VWA3A: variants seen among roughly 807,000 people sequenced by gnomAD.
VWA3A encodes the protein von Willebrand factor A domain containing 3A.
In VWA3A, 134 loss-of-function variants were observed where a neutral mutation model predicts 160.4. The ratio of observed to expected loss-of-function variants is 0.84; its 90% CI spans 0.73 to 0.96. The LOEUF (loss-of-function observed/expected upper bound fraction) is 0.96, where lower values mean the gene tolerates loss of function less well. Among genes scored for constraint, VWA3A ranks in the 40% least tolerant of loss-of-function variants. The pLI, the probability that VWA3A is intolerant of heterozygous loss-of-function variation, is 0.00. For missense variants in VWA3A, 1,310 were observed against 1,447.9 expected, an observed-to-expected ratio of 0.90 and a Z score of 1.55; for synonymous variants, 476 against 543.4, an observed-to-expected ratio of 0.88 and a Z score of 1.72.
chr16:22,130,630 A>T (rs2045930929), intron 17 of VWA3A, among the ~76,000 whole-genome samples: 1 of 151,980 alleles, frequency 6.6e-6, no homozygotes, highest in Non-Finnish European at 1.5e-5. Flanking sequence ...TTGAGATGGG[A>T]TCTCACTCCA....
intron 1 of VWA3A, among the ~76,000 whole-genome samples, chr16:22,094,138 A>G (rs897967020): frequency 1.3e-5 from 2 of 152,030 alleles, no homozygotes; most frequent in African/African-American, 4.8e-5. Flanking sequence ...CTTCTCCATC[A>G]GCCTGCACCA....
intron 23 of VWA3A, 57 bp downstream of exon 23, chr16:22,140,301 A>G: frequency 1.3e-6 from 2 of 1,542,186 alleles, no homozygotes; most frequent in Non-Finnish European, 1.8e-6. Context: ...CGGCTGAGGC[A>G]TGGGTTAATA....
chr16:22,111,019 T>G (rs2045545693), intron 8 of VWA3A, 25 bp downstream of exon 8: 3 of 1,563,338 alleles, frequency 1.9e-6, no homozygotes, highest in Non-Finnish European at 2.6e-6. Flanking sequence ...TACCTGACGG[T>G]GATGTTCACT....
chr16:22,097,475 A>T, intron 2 of VWA3A, 97 bp from the exon 3 acceptor site: 1 of 1,455,390 alleles, frequency 6.9e-7, no homozygotes. Flanking sequence ...ATGTTTCTAG[A>T]ATCCTTGTAG....
Position 22,123,672 on chromosome 16 carries a change from C to T in VWA3A, c.1497C>T (p.Ala499=), listed in dbSNP as rs2045788276. 2 of 1,613,828 alleles carry T rather than the reference C, an allele frequency of 1.2e-6. No homozygotes were observed. The highest frequency in any genetic ancestry group is 2.7e-5 in the African/African-American group (2 of 74,920). Residue 499 remains alanine, a synonymous_variant, in exon 16 of 34, where the codon GCC becomes GCT. Transcript: ENST00000389398. The part of the protein sequence containing the change: ...YERRIEWLSL[A]SRRIWGTVCE... Reference sequence around the variant, plus strand: ...GGCGGATTGAGTGGCTCTCCCTGGCCAGCAGAAGAATCTGGGGCACAGTCT... The same window carrying T: ...GGCGGATTGAGTGGCTCTCCCTGGCTAGCAGAAGAATCTGGGGCACAGTCT...
intron 5 of VWA3A, among the ~76,000 whole-genome samples, chr16:22,100,765 CG>C (rs2045395991): frequency 1.3e-5 from 2 of 150,482 alleles, no homozygotes; most frequent in Admixed American, 6.6e-5. Context: ...CGCTTGAACT[CG>C]GGAGGTGGAG....
At chr16:22,097,529 G>GC in intron 2 of VWA3A, 43 bp from the exon 3 acceptor site, 1 of 1,547,340 alleles carries the variant, frequency 6.5e-7, no homozygotes. Context: ...TCAAACCTAT[G>GC]CCCAGTGCTG....
chr16:22,135,505 A>G (rs930145097), intron 21 of VWA3A, among the ~76,000 whole-genome samples: 22 of 152,116 alleles, frequency 1.4e-4, no homozygotes, highest in African/African-American at 5.1e-4. Flanking sequence ...TCAGACTTCA[A>G]CATATCCTTT....
intron 17 of VWA3A, among the ~76,000 whole-genome samples, chr16:22,126,665 A>G (rs1215109558): frequency 6.6e-6 from 1 of 152,098 alleles, no homozygotes; most frequent in African/African-American, 2.4e-5. Context: ...AGCAAGCCAT[A>G]CCTTTTCAAA....
At chr16:22,115,837 G>T (rs982037839) in intron 9 of VWA3A, among the ~76,000 whole-genome samples, 1 of 1,432 alleles carries the variant, frequency 7.0e-4, no homozygotes, top group East Asian at 0.021. Context: ...ACCCAGGGAA[G>T]GAAGGAAGGA....
At position 22,138,498 on chromosome 16, in the gene VWA3A, CT is replaced by C. The variant is rs766243399; in HGVS notation, c.2279del (p.Leu760ArgfsTer5). The C allele has an allele frequency of 1.5e-5, 25 of 1,613,936 alleles. No individual in the cohort carries two copies. In the East Asian group the frequency reaches 5.6e-4, roughly 36 times the overall value. ...CTGCCCTCCCAGGCCCACCGTCCCC[CT>C]GGGGGCCAGAATGGTTTGACTCCCC... ...KLCPPRPTVP[L>X]GARMSIKDDP... On this transcript the variant is annotated frameshift_variant, in exon 22 of 34. Coordinates refer to ENST00000389398, the MANE Select transcript of VWA3A (RefSeq NM_173615.5). LOFTEE classifies it high-confidence loss of function.
chr16:22,138,254 G>A lies in VWA3A; in HGVS notation c.2140-106G>A, dbSNP rs2046079355. ...TCTAGGGACAAAAAGAGGAGTCCAG[G>A]GGACATCAGAGGTTCCAGTGGATAC... On this transcript the variant is annotated intron_variant, in intron 21 of 33. Transcript: ENST00000389398. 6.6e-6 allele frequency: 9 copies of A among 1,365,036 alleles called. 1 individual carries two copies. In the South Asian group the frequency reaches 8.6e-5, roughly 13 times the overall value. The allele number at this position is 1,365,036 out of a possible 1,614,324, so 84.6% of individuals were successfully genotyped here. A position where few individuals can be genotyped will look rare whatever the true frequency, so the allele number is the denominator to read the frequency against.
chr16:22,122,011 C>G (rs2045743832), intron 14 of VWA3A, among the ~76,000 whole-genome samples: 1 of 152,142 alleles, frequency 6.6e-6, no homozygotes, highest in South Asian at 2.1e-4. Context: ...GCAAACTCTT[C>G]TCTAACTCTC....
intron 17 of VWA3A, among the ~76,000 whole-genome samples, chr16:22,129,250 G>A (rs542545808): frequency 1.5e-4 from 23 of 151,950 alleles, no homozygotes; most frequent in South Asian, 4.2e-4. Context: ...TTAGCCAGGC[G>A]TGGTGGTGGG....
At chr16:22,097,717 C>T in intron 3 of VWA3A, 22 bp downstream of exon 3, 2 of 1,550,940 alleles carry the variant, frequency 1.3e-6, no homozygotes, top group Non-Finnish European at 1.7e-6. Flanking sequence ...GGCACTTTAA[C>T]TGGGTCGTGA....
Position 22,121,605 on chromosome 16 carries a change from G to A in VWA3A, c.1344G>A (p.Ser448=), listed in dbSNP as rs372713783. The change falls in exon 14 of 34, where the codon TCG becomes TCA. Residue 448 remains serine (S), a synonymous_variant. Coordinates refer to ENST00000389398, the MANE Select transcript of VWA3A (RefSeq NM_173615.5). ...CTATTCTCCAGAAAACAGTATCATC[G>A]ACCATCCATGAGGTAATTCAGATTC... is the stretch of plus-strand genomic sequence containing the variant. ...FVPILQKTVS[S]TIHEKAMIQF... 6.1e-5 allele frequency: 99 copies of A among 1,611,024 alleles called. No homozygotes were observed. Among genetic ancestry groups the A allele is most frequent in the Non-Finnish European group, 7.8e-5 (92 of 1,177,694 alleles).
Position 22,114,142 on chromosome 16 carries a change from C to T in VWA3A, c.690-1205C>T, listed in dbSNP as rs4783357. On this transcript the variant is annotated intron_variant, in intron 8 of 33. Coordinates refer to ENST00000389398, the MANE Select transcript of VWA3A (RefSeq NM_173615.5). ...AGGTGCTAGACCTGGGACTTATTCTCGCTGTTCAAAAGGGAGACTTGACAG... is the reference window on the plus strand; with the variant it reads ...AGGTGCTAGACCTGGGACTTATTCTTGCTGTTCAAAAGGGAGACTTGACAG... Among the ~76,000 whole-genome samples, 72 of 152,192 alleles carry T rather than the reference C, an allele frequency of 4.7e-4. 1 individual carries two copies. The Middle Eastern group carries it at 0.014, about 29-fold the overall frequency.
Position 22,116,086 on chromosome 16 carries a change from AAGAAAGAG to A in VWA3A, c.815+622_815+629del, listed in dbSNP as rs1410923557. On this transcript the variant is annotated intron_variant, in intron 9 of 33. Transcript: ENST00000389398. ...GGGAGGGATGGCAGTCACAGGCAGA[AAGAAAGAG>A]AGAAAGAAAGAAAGAAACAAGAAAA... Among the ~76,000 whole-genome samples the A allele has an allele frequency of 1.1e-4, 16 of 151,490 alleles. No individual in the cohort carries two copies. In the South Asian group the frequency reaches 2.7e-3, roughly 26 times the overall value.
chr16:22,100,964 CAAAAAAA>C (rs59096934), intron 5 of VWA3A, among the ~76,000 whole-genome samples: 2 of 60,794 alleles, frequency 3.3e-5, no homozygotes, highest in African/African-American at 1.2e-4. Context: ...GACCCTGTCT[CAAAAAAA>C]AAAAAAAAAA....
Sources: allele counts gnomAD v4.1 joint callset (sites outside exome capture counted in the v4.1 genomes callset), GRCh38; gene constraint gnomAD v4.1.1; transcripts MANE v1.5; gene names NCBI Gene and HGNC (gene_info 2026-07-23, HGNC 2026-07-21).